SDK1: variants seen among roughly 807,000 people sequenced by gnomAD.
SDK1 encodes the protein sidekick cell adhesion molecule 1, also known as protein sidekick-1.
SDK1 carries 157 observed loss-of-function variants against 245.5 expected under a neutral mutation model. The ratio of observed to expected loss-of-function variants is 0.64; its 90% CI spans 0.56 to 0.73. The LOEUF (loss-of-function observed/expected upper bound fraction) is 0.73, where lower values mean the gene tolerates loss of function less well. Among genes scored for constraint, SDK1 ranks in the 30% least tolerant of loss-of-function variants. The pLI is 0.00. For missense variants in SDK1, 3,583 were observed against 3,002.3 expected, an observed-to-expected ratio of 1.19 and a Z score of -4.52; for synonymous variants, 1,647 against 1,278.5, an observed-to-expected ratio of 1.29 and a Z score of -6.15.
intron 18 of SDK1, among the ~76,000 whole-genome samples, chr7:4,050,487 C>A (rs1171878201): frequency 6.6e-6 from 1 of 152,240 alleles, no homozygotes; most frequent in Admixed American, 6.5e-5. Context: ...TCAGTTTGAT[C>A]TGTGTAAATA....
intron 1 of SDK1, among the ~76,000 whole-genome samples, chr7:3,603,125 A>G: frequency 6.7e-6 from 1 of 149,264 alleles, no homozygotes; most frequent in African/African-American, 2.5e-5. Flanking sequence ...TGATGCCTCC[A>G]GCTTTGTTCT....
At position 3,897,844 on chromosome 7, in the gene SDK1, C is replaced by G. The variant is rs76084599; in HGVS notation, c.848-53079C>G. Among the ~76,000 whole-genome samples the G allele has an allele frequency of 7.3e-3, 1,115 of 151,860 alleles. 17 individuals carry two copies. Among genetic ancestry groups the G allele is most frequent in the African/African-American group, 0.026 (1,061 of 41,398 alleles). Reference sequence around the variant, plus strand: ...TCAAATCCCCTTTCTTTCCATATTCCTTTCCTTTTTTCTTTTCTTAAATTT... The same window carrying G: ...TCAAATCCCCTTTCTTTCCATATTCGTTTCCTTTTTTCTTTTCTTAAATTT... On this transcript the variant is annotated intron_variant, in intron 5 of 44. Coordinates refer to ENST00000404826, the MANE Select transcript of SDK1 (RefSeq NM_152744.4).
chr7:3,607,024 A>G (rs1441881721), intron 1 of SDK1, among the ~76,000 whole-genome samples: 1 of 152,186 alleles, frequency 6.6e-6, no homozygotes, highest in African/African-American at 2.4e-5. Flanking sequence ...GTTTTGATAA[A>G]AAGAGAAAGG....
intron 22 of SDK1, among the ~76,000 whole-genome samples, chr7:4,081,637 C>G (rs555542865): frequency 6.6e-6 from 1 of 152,188 alleles, no homozygotes; most frequent in South Asian, 2.1e-4. Context: ...CCAGGATGGT[C>G]TGGATCTCCT....
chr7:3,520,660 C>A (rs1464411087), intron 1 of SDK1, among the ~76,000 whole-genome samples: 1 of 129,324 alleles, frequency 7.7e-6, no homozygotes, highest in East Asian at 2.2e-4. Flanking sequence ...GCAATCTTCT[C>A]CTTAAATAAA....
At chr7:3,641,765 G>A (rs2614959) in intron 3 of SDK1, among the ~76,000 whole-genome samples, 193 bp from the exon 4 acceptor site, 6 of 152,316 alleles carry the variant, frequency 3.9e-5, no homozygotes, top group African/African-American at 9.6e-5. Flanking sequence ...CTTTGGAGGC[G>A]CGTGGCTTGC....
chr7:3,768,828 A>C (rs891677285), intron 4 of SDK1, among the ~76,000 whole-genome samples: 2 of 152,156 alleles, frequency 1.3e-5, no homozygotes, highest in African/African-American at 2.4e-5. Flanking sequence ...TCCATGACCC[A>C]AATTGTCATT....
intron 5 of SDK1, among the ~76,000 whole-genome samples, chr7:3,860,418 T>C (rs1177267001): frequency 2.0e-5 from 3 of 152,162 alleles, no homozygotes; most frequent in Non-Finnish European, 4.4e-5. Flanking sequence ...GAAAAGATGG[T>C]CAAGTTGACT....
At chr7:3,645,864 A>T (rs2568524) in intron 4 of SDK1, among the ~76,000 whole-genome samples, 25,636 of 150,396 alleles carry the variant, frequency 0.17, 2,813 homozygotes, top group Non-Finnish European at 0.25. Context: ...TTTTTTTTTT[A>T]TTTTTATTTT....
chr7:4,010,746 T>G (rs919239312), intron 14 of SDK1, among the ~76,000 whole-genome samples: 2 of 152,172 alleles, frequency 1.3e-5, no homozygotes, highest in African/African-American at 2.4e-5. Context: ...TTTTGCTCAT[T>G]GATGGCGGCA....
chr7:3,656,647 G>A (rs1001909438), intron 4 of SDK1, among the ~76,000 whole-genome samples: 1 of 152,032 alleles, frequency 6.6e-6, no homozygotes, highest in African/African-American at 2.4e-5. Flanking sequence ...CCAAGGGTCA[G>A]TGGGACTCAA....
At chr7:3,745,836 T>C (rs147719867) in intron 4 of SDK1, among the ~76,000 whole-genome samples, 5 of 152,330 alleles carry the variant, frequency 3.3e-5, no homozygotes, top group Non-Finnish European at 7.3e-5. Context: ...GTTTATCTCT[T>C]GAGAAAAATC....
intron 4 of SDK1, among the ~76,000 whole-genome samples, chr7:3,673,856 T>C (rs1294392493): frequency 2.0e-5 from 3 of 152,228 alleles, no homozygotes; most frequent in Non-Finnish European, 4.4e-5. Flanking sequence ...TCTAAGTACT[T>C]CTTGAACATT....
intron 5 of SDK1, among the ~76,000 whole-genome samples, chr7:3,933,123 CTTTT>C (rs11364780): frequency 1.2e-5 from 1 of 83,258 alleles, no homozygotes. Flanking sequence ...GCTCCTGGAT[CTTTT>C]TTTTTTTTTT....
rs1788506766 is a variant in SDK1, at chr7:4,266,920, A to T, written c.*1536A>T. 1 of 985,382 alleles carries T rather than the reference A, an allele frequency of 1.0e-6. No individual in the cohort carries two copies. Among genetic ancestry groups the T allele is most frequent in the Non-Finnish European group, 1.2e-6 (1 of 829,976 alleles). The allele number at this position is 985,382 out of a possible 1,614,324, so 61.0% of individuals were successfully genotyped here. The stretch of plus-strand genomic sequence containing the variant: ...GCCGTTCCCCCAGTGACCTGAGGGT[A>T]GGGGACAACTGAGCAGTATCTGACC... On this transcript the variant is annotated 3_prime_UTR_variant, in exon 45 of 45. Coordinates refer to ENST00000404826, the MANE Select transcript of SDK1 (RefSeq NM_152744.4).
At chr7:3,396,726 G>C (rs1439711616) in intron 1 of SDK1, among the ~76,000 whole-genome samples, 1 of 151,432 alleles carries the variant, frequency 6.6e-6, no homozygotes, top group Non-Finnish European at 1.5e-5. Context: ...GTTTTCAACT[G>C]ATCTGTATCT....
At chr7:3,758,956 G>A (rs1442239723) in intron 4 of SDK1, among the ~76,000 whole-genome samples, 2 of 152,064 alleles carry the variant, frequency 1.3e-5, no homozygotes, top group East Asian at 1.9e-4. Flanking sequence ...AGTACCATGG[G>A]GTTCATTCTG....
At chr7:4,060,892 A>G (rs1439079152) in intron 19 of SDK1, among the ~76,000 whole-genome samples, 1 of 151,780 alleles carries the variant, frequency 6.6e-6, no homozygotes, top group African/African-American at 2.4e-5. Context: ...CATTTATTAA[A>G]TAGGGAATCC....
chr7:4,074,506 C>T (rs1780493261), intron 20 of SDK1, among the ~76,000 whole-genome samples: 2 of 152,160 alleles, frequency 1.3e-5, no homozygotes, highest in South Asian at 2.1e-4. Flanking sequence ...ATGAATGGGG[C>T]AGGCTAGATG....
Sources: allele counts gnomAD v4.1 joint callset (sites outside exome capture counted in the v4.1 genomes callset), GRCh38; gene constraint gnomAD v4.1.1; transcripts MANE v1.5; gene names NCBI Gene and HGNC (gene_info 2026-07-23, HGNC 2026-07-21).